AGTPBP1: variants seen among roughly 807,000 people sequenced by gnomAD.
The protein encoded by AGTPBP1 is cytosolic carboxypeptidase 1.
AGTPBP1 carries 70 observed loss-of-function variants against 143.9 expected under a neutral mutation model. The observed-to-expected ratio is 0.49, with a 90% CI of 0.40 to 0.59. AGTPBP1 has a LOEUF of 0.59. Ranked by LOEUF, AGTPBP1 falls within the 20% of genes least tolerant of loss-of-function variation. The pLI, the probability that AGTPBP1 is intolerant of heterozygous loss-of-function variation, is 0.00. For missense variants in AGTPBP1, 1,229 were observed against 1,464.5 expected (o/e 0.84, Z 2.62); for synonymous variants, 463 against 500.2 (o/e 0.93, Z 0.99).
At chr9:85,710,089 A>G (rs1837271246) in intron 2 of AGTPBP1, among the ~76,000 whole-genome samples, 1 of 152,070 alleles carries the variant, frequency 6.6e-6, no homozygotes, top group East Asian at 1.9e-4. Flanking sequence ...TTCACTATAT[A>G]CTGGTTAAGT....
chr9:85,682,168 T>C (rs1835224498), intron 3 of AGTPBP1, among the ~76,000 whole-genome samples: 1 of 128,444 alleles, frequency 7.8e-6, no homozygotes, highest in South Asian at 2.5e-4. Context: ...TCATTAGGAT[T>C]GGTTAAAAAA....
intron 25 of AGTPBP1, among the ~76,000 whole-genome samples, chr9:85,561,730 T>G (rs10868324): frequency 2.6e-5 from 4 of 151,942 alleles, no homozygotes; most frequent in African/African-American, 9.7e-5. Context: ...ACTCATAGTA[T>G]CTGAAAGTAT....
At chr9:85,776,092 C>T in the AGTPBP1 span, among the ~76,000 whole-genome samples, 77 of 152,314 alleles carry the variant, frequency 5.1e-4, no homozygotes, top group Middle Eastern at 3.4e-3. Context: ...CATAATACAA[C>T]TATCCTTCGT....
chr9:85,567,635 A>G (rs1214900937), intron 25 of AGTPBP1, among the ~76,000 whole-genome samples: 2 of 152,212 alleles, frequency 1.3e-5, no homozygotes, highest in Admixed American at 1.3e-4. Context: ...CAGAAACAAA[A>G]AAGAGCAAAT....
At chr9:85,741,705 C>G (rs1194703799) in intron 1 of AGTPBP1, 70 bp downstream of exon 1, 1 of 1,268,176 alleles carries the variant, frequency 7.9e-7, no homozygotes, top group Non-Finnish European at 9.9e-7. Flanking sequence ...CCGTCGCTCG[C>G]ATCTCCCGCG....
At chr9:85,778,603 G>A in the AGTPBP1 span, among the ~76,000 whole-genome samples, 1 of 152,112 alleles carries the variant, frequency 6.6e-6, no homozygotes, top group East Asian at 1.9e-4. Flanking sequence ...CAATAAATGG[G>A]CCAGAGTAAC....
chr9:85,781,238 C>T, the AGTPBP1 span: 5 of 1,532,512 alleles, frequency 3.3e-6, no homozygotes, highest in African/African-American at 5.7e-5. Context: ...ACTTTCAAAA[C>T]ATATGAAGAT....
In AGTPBP1 at chr9:85,645,057, C is replaced by T. The variant is rs567462851; in HGVS notation, c.1185+1264G>A. On this transcript the variant is annotated intron_variant, in intron 12 of 25. Coordinates refer to ENST00000357081, the MANE Select transcript of AGTPBP1 (RefSeq NM_001330701.2). ...CACTAGACTGCTTTCTGAATCCTGG[C>T]TCCACCTCTTATAAACTAGACTGAG... 7.5e-4 allele frequency among the ~76,000 whole-genome samples: 114 copies of T among 152,186 alleles called. 1 individual carries two copies. The highest frequency in any genetic ancestry group is 2.6e-3 in the African/African-American group (108 of 41,548).
At chr9:85,776,693 A>G in the AGTPBP1 span, among the ~76,000 whole-genome samples, 3 of 152,224 alleles carry the variant, frequency 2.0e-5, no homozygotes, top group Admixed American at 6.5e-5. Context: ...GGTAGAGCCC[A>G]AAGTGTCCAG....
At chr9:85,790,024 A>G in the AGTPBP1 span, among the ~76,000 whole-genome samples, 1 of 152,238 alleles carries the variant, frequency 6.6e-6, no homozygotes, top group Non-Finnish European at 1.5e-5. Context: ...ACTTATGTCC[A>G]CAATTCCTCT....
chr9:85,742,556 T>C (rs118184453), upstream of AGTPBP1, among the ~76,000 whole-genome samples: 15 of 152,282 alleles, frequency 9.9e-5, no homozygotes, highest in East Asian at 2.7e-3. Flanking sequence ...GGATTGCACC[T>C]TGTGGCCAAA....
At chr9:85,637,606 A>C (rs964473234) in intron 13 of AGTPBP1, among the ~76,000 whole-genome samples, 1 of 152,232 alleles carries the variant, frequency 6.6e-6, no homozygotes, top group Non-Finnish European at 1.5e-5. Context: ...AAAACAGTCA[A>C]GACTAGTCAC....
At chr9:85,763,888 A>C in the AGTPBP1 span, among the ~76,000 whole-genome samples, 1 of 152,178 alleles carries the variant, frequency 6.6e-6, no homozygotes, top group African/African-American at 2.4e-5. Flanking sequence ...AGTATATACA[A>C]ATAATTACTG....
chr9:85,736,967 G>A (rs1249061781), intron 1 of AGTPBP1, among the ~76,000 whole-genome samples: 1 of 152,172 alleles, frequency 6.6e-6, no homozygotes, highest in African/African-American at 2.4e-5. Context: ...TTAGCCAGGC[G>A]TGGTGGTAGG....
chr9:85,601,475 C>T (rs779183956), intron 17 of AGTPBP1, among the ~76,000 whole-genome samples: 8 of 152,174 alleles, frequency 5.3e-5, no homozygotes, highest in South Asian at 2.1e-4. Context: ...CAGGGGTCTG[C>T]GGATGGGCCA....
intron 2 of AGTPBP1, among the ~76,000 whole-genome samples, chr9:85,701,197 C>A (rs1336880620): frequency 2.0e-5 from 3 of 151,654 alleles, no homozygotes; most frequent in Non-Finnish European, 2.9e-5. Context: ...CAGACATGAG[C>A]CACCACACCT....
Position 85,596,961 on chromosome 9 carries a change from A to C in AGTPBP1, c.2336-512T>G, listed in dbSNP as rs200152184. 1.8e-4 allele frequency among the ~76,000 whole-genome samples: 27 copies of C among 152,280 alleles called. No individual in the cohort carries two copies. In the East Asian group the frequency reaches 4.2e-3, roughly 24 times the overall value. The stretch of plus-strand genomic sequence containing the variant: ...GTATACTTTCTTGGATATTCTTAGA[A>C]ATATATTTTCCACATGAACTTTAAA... On this transcript the variant is annotated intron_variant, in intron 17 of 25. Transcript: ENST00000357081.
At chr9:85,687,306 T>C (rs985927483) in intron 3 of AGTPBP1, among the ~76,000 whole-genome samples, 3 of 152,134 alleles carry the variant, frequency 2.0e-5, no homozygotes, top group Admixed American at 6.5e-5. Flanking sequence ...TCTTAATAAT[T>C]AACAGAGCAC....
upstream of AGTPBP1, among the ~76,000 whole-genome samples, chr9:85,744,918 A>T (rs1342179207): frequency 6.6e-6 from 1 of 152,224 alleles, no homozygotes; most frequent in Non-Finnish European, 1.5e-5. Context: ...CACAGAGCTA[A>T]TTTCTATTGG....
Sources: allele counts gnomAD v4.1 joint callset (sites outside exome capture counted in the v4.1 genomes callset), GRCh38; gene constraint gnomAD v4.1.1; transcripts MANE v1.5; gene names NCBI Gene and HGNC (gene_info 2026-07-23, HGNC 2026-07-21).